The following SGPL1 variants were observed in gnomAD, a reference collection of about 807,000 sequenced individuals.
The protein encoded by SGPL1 is sphingosine-1-phosphate lyase 1, also known as SP-lyase 1.
SGPL1 carries 37 observed loss-of-function variants against 68.9 expected under a neutral mutation model. The ratio of observed to expected loss-of-function variants is 0.54; its 90% confidence interval spans 0.41 to 0.71. The LOEUF is 0.71. SGPL1 is among the 30% of genes least tolerant of loss of function. The probability of loss-of-function intolerance (pLI) is 0.00; values close to 1 mark genes in which losing one functional copy is unlikely to be tolerated. For missense variants in SGPL1, 551 were observed against 704.6 expected, an observed-to-expected ratio of 0.78 and a Z score of 2.47; for synonymous variants, 236 against 248.5, an observed-to-expected ratio of 0.95 and a Z score of 0.47.
intron 7 of SGPL1, among the ~76,000 whole-genome samples, chr10:70,864,233 C>A (rs763807792): frequency 2.0e-5 from 3 of 152,122 alleles, no homozygotes; most frequent in Non-Finnish European, 4.4e-5. Context: ...CTTCTCTGCC[C>A]CACATTTTTC....
chr10:70,873,349 A>T lies in SGPL1; in HGVS notation c.1060-2A>T, dbSNP rs771565079. ...TTTTCTTGTCTGCTACTTCTTCCAC[A>T]GTATGGCTATGCCCCAAAAGGCTCA... On this transcript the variant is annotated splice_acceptor_variant, in intron 11 of 14. Transcript: ENST00000373202. LOFTEE classifies it high-confidence loss of function. 2 of 1,609,804 alleles carry T rather than the reference A, an allele frequency of 1.2e-6. No homozygotes were observed. Among genetic ancestry groups the T allele is most frequent in the African/African-American group, 1.3e-5 (1 of 74,884 alleles).
At chr10:70,829,558 G>A (rs1433438622) in intron 2 of SGPL1, among the ~76,000 whole-genome samples, 2 of 152,128 alleles carry the variant, frequency 1.3e-5, no homozygotes, top group African/African-American at 4.8e-5. Flanking sequence ...ACAACCCTGT[G>A]AGTGGACGAT....
intron 14 of SGPL1, 21 bp from the exon 15 acceptor site, chr10:70,877,174 T>G (rs746029960): frequency 4.9e-5 from 79 of 1,613,418 alleles, no homozygotes; most frequent in Admixed American, 1.8e-4. Flanking sequence ...ACTAATAATG[T>G]CTCTTTCTTT....
chr10:70,839,730 G>C lies in SGPL1; in HGVS notation c.28-4743G>C, dbSNP rs185061756. Among the ~76,000 whole-genome samples the C allele has an allele frequency of 1.4e-3, 216 of 152,152 alleles. 1 individual carries two copies. The highest frequency in any genetic ancestry group is 4.9e-3 in the African/African-American group (203 of 41,532). On this transcript the variant is annotated intron_variant, in intron 2 of 14. Coordinates refer to ENST00000373202, the MANE Select transcript of SGPL1 (RefSeq NM_003901.4). ...AGAGATATATAGACAAAAAAGTACT[G>C]TTATAAGTAAAAAGACATAGTGGGA...
Position 70,859,373 on chromosome 10 carries a change from T to C in SGPL1, c.489T>C (p.Ala163=). The C allele has an allele frequency of 2.7e-6, 4 of 1,502,418 alleles. No individual in the cohort carries two copies. Among genetic ancestry groups the C allele is most frequent in the Non-Finnish European group, 2.7e-6 (3 of 1,123,396 alleles). The allele number at this position is 1,502,418 out of a possible 1,614,324, so 93.1% of individuals were successfully genotyped here. A position where few individuals can be genotyped will look rare whatever the true frequency, so the allele number is the denominator to read the frequency against. The change falls in exon 7 of 15, where the codon GCT becomes GCC. Residue 163 remains alanine (A), a splice_region_variant and synonymous_variant. Transcript: ENST00000373202. ...EEKLTELLVK[A]YGDFAWSNPL... ...CATCTGCTTGCATTTTTTTGCAGGC[T>C]TATGGAGATTTTGCATGGAGTAACC...
intron 3 of SGPL1, among the ~76,000 whole-genome samples, chr10:70,850,729 TG>T (rs1301902911): frequency 6.6e-6 from 1 of 152,236 alleles, no homozygotes. Flanking sequence ...GAGGATGCAC[TG>T]ATCTTTAAGA....
At chr10:70,826,426 A>G (rs981759355) in intron 2 of SGPL1, among the ~76,000 whole-genome samples, 1 of 152,128 alleles carries the variant, frequency 6.6e-6, no homozygotes, top group Non-Finnish European at 1.5e-5. Flanking sequence ...CTGGGGTTCT[A>G]CCTGTCAGGT....
rs1845241333 is a variant in SGPL1, at chr10:70,816,863, A to G, written c.10A>G (p.Thr4Ala). ...AGGCTGGAAGAGGAAGATGCCTAGC[A>G]CAGACCTTCTGATGTTGGTGAGCCT... MPSTDLLMLKAFEP... is the reference protein window; with the variant it reads MPSADLLMLKAFEP... The change falls in exon 2 of 15, where the codon ACA becomes GCA. Residue 4 changes from threonine (T) to alanine (A), a missense_variant. Physicochemically the swap from Thr to Ala is moderately conservative, Grantham distance 58. Coordinates refer to ENST00000373202, the MANE Select transcript of SGPL1 (RefSeq NM_003901.4). 1.9e-6 allele frequency: 3 copies of G among 1,614,148 alleles called. No homozygotes were observed. The highest frequency in any genetic ancestry group is 2.5e-6 in the Non-Finnish European group (3 of 1,179,994).
chr10:70,876,515 ATC>A, intron 13 of SGPL1, 24 bp from the exon 14 acceptor site: 2 of 1,591,722 alleles, frequency 1.3e-6, no homozygotes, highest in Non-Finnish European at 1.7e-6. Context: ...TTCAAGGTTC[ATC>A]TCTCTCTGTC....
In SGPL1 at chr10:70,854,841, AGTACAGCTCTATGG is replaced by A. The variant is rs1564626165; in HGVS notation, c.399_409+3del. 6.2e-7 allele frequency: 1 copy of A among 1,610,602 alleles called. No individual in the cohort carries two copies. Among genetic ancestry groups the A allele is most frequent in the Non-Finnish European group, 8.5e-7 (1 of 1,178,648 alleles). ...TCTGCTGTTTTGGAGAAACTTAAGG[AGTACAGCTCTATGG>A]GTATGATGCTTGGCATATACATGCT... On this transcript the variant is annotated frameshift_variant and splice_region_variant, in exon 5 of 15. Coordinates refer to ENST00000373202, the MANE Select transcript of SGPL1 (RefSeq NM_003901.4). LOFTEE classifies it high-confidence loss of function.
At chr10:70,820,399 A>G (rs886069310) in intron 2 of SGPL1, 8 of 151,204 alleles carry the variant, frequency 5.3e-5, no homozygotes, top group Non-Finnish European at 1.2e-4. Flanking sequence ...CACTTTGGCA[A>G]TGGGGGACTG....
At chr10:70,823,087 G>A (rs1000594889) in intron 2 of SGPL1, among the ~76,000 whole-genome samples, 29 of 151,896 alleles carry the variant, frequency 1.9e-4, no homozygotes, top group African/African-American at 6.8e-4. Context: ...GGAGTTTACC[G>A]GAATGAGGAC....
chr10:70,846,949 A>G (rs1845801055), intron 3 of SGPL1, among the ~76,000 whole-genome samples: 1 of 152,112 alleles, frequency 6.6e-6, no homozygotes, highest in African/African-American at 2.4e-5. Flanking sequence ...ACTATGCCAT[A>G]CATTTTGCTT....
chr10:70,854,693 T>TTC lies in SGPL1; in HGVS notation c.262-13_262-12dup. On this transcript the variant is annotated splice_polypyrimidine_tract_variant and intron_variant, in intron 4 of 14. Coordinates refer to ENST00000373202, the MANE Select transcript of SGPL1 (RefSeq NM_003901.4). Reference sequence around the variant, plus strand: ...CTCTTGCATCTGGATAACTTTGTCTTTCTTACCTTTGGAGATTCAAGACAA... The same window carrying TTC: ...CTCTTGCATCTGGATAACTTTGTCTTTCTCTTACCTTTGGAGATTCAAGACAA... 1 of 1,600,360 alleles carries TTC rather than the reference T, an allele frequency of 6.2e-7. No individual in the cohort carries two copies. The highest frequency in any genetic ancestry group is 8.5e-7 in the Non-Finnish European group (1 of 1,174,364).
intron 2 of SGPL1, among the ~76,000 whole-genome samples, chr10:70,831,822 C>A (rs1564619027): frequency 6.6e-6 from 1 of 152,208 alleles, no homozygotes; most frequent in East Asian, 1.9e-4. Context: ...CAAGGCCTGT[C>A]TGTTCAGGTT....
chr10:70,854,636 A>G, intron 4 of SGPL1, 72 bp from the exon 5 acceptor site: 1 of 1,368,898 alleles, frequency 7.3e-7, no homozygotes, highest in Non-Finnish European at 1.0e-6. Context: ...CAGTTGCTTG[A>G]CTGTCATAAT....
intron 6 of SGPL1, 50 bp from the exon 7 acceptor site, chr10:70,859,321 C>T (rs1260682714): frequency 7.7e-7 from 1 of 1,304,140 alleles, no homozygotes; most frequent in Non-Finnish European, 9.9e-7. Context: ...ATTCTTTGTC[C>T]TGTATAGTGT....
At chr10:70,862,498 A>C (rs1436099944) in intron 7 of SGPL1, among the ~76,000 whole-genome samples, 1 of 152,134 alleles carries the variant, frequency 6.6e-6, no homozygotes, top group African/African-American at 2.4e-5. Flanking sequence ...CAGTGGCAAC[A>C]CGCTCGGGTC....
intron 2 of SGPL1, among the ~76,000 whole-genome samples, chr10:70,842,710 C>T (rs1054855284): frequency 7.2e-5 from 11 of 152,166 alleles, no homozygotes; most frequent in Admixed American, 5.2e-4. Context: ...ATCCAGTCAT[C>T]TCCCACCAGA....
Sources: gnomAD v4.1 joint callset for allele counts (sites outside exome capture counted in the v4.1 genomes callset) on GRCh38, gnomAD v4.1.1 for gene constraint, MANE v1.5 for transcripts, NCBI Gene and HGNC (gene_info 2026-07-23, HGNC 2026-07-21) for gene names.